Variants in CADPS2 observed in about 807,000 individuals in gnomAD.
CADPS2 encodes calcium dependent secretion activator 2.
CADPS2 carries 93 observed loss-of-function variants against 172.5 expected under a neutral mutation model. The ratio of observed to expected loss-of-function variants is 0.54; its 90% confidence interval spans 0.46 to 0.64. The LOEUF (loss-of-function observed/expected upper bound fraction) is 0.64, where lower values mean the gene tolerates loss of function less well. Ranked by LOEUF, CADPS2 falls within the 30% of genes least tolerant of loss-of-function variation. The probability of loss-of-function intolerance (pLI) is 0.00; values close to 1 mark genes in which losing one functional copy is unlikely to be tolerated. For missense variants in CADPS2, 1,420 were observed against 1,565.9 expected (o/e 0.91, Z 1.57); for synonymous variants, 546 against 555.2 (o/e 0.98, Z 0.23).
intron 6 of CADPS2, among the ~76,000 whole-genome samples, chr7:122,591,349 AT>A (rs1274056273): frequency 6.6e-6 from 1 of 152,134 alleles, no homozygotes; most frequent in East Asian, 1.9e-4. Flanking sequence ...ACACAAACAA[AT>A]GGAAGAACAT....
At chr7:122,349,013 CATT>C (rs899772068) in intron 27 of CADPS2, among the ~76,000 whole-genome samples, 10 of 152,186 alleles carry the variant, frequency 6.6e-5, no homozygotes, top group African/African-American at 1.9e-4. Context: ...TAATTTGAAT[CATT>C]ATTAAGTGTT....
chr7:122,621,501 C>A lies in CADPS2; in HGVS notation c.1084G>T (p.Val362Leu), dbSNP rs1473886615. 1 of 1,612,362 alleles carries A rather than the reference C, an allele frequency of 6.2e-7. No homozygotes were observed. The highest frequency in any genetic ancestry group is 1.3e-5 in the African/African-American group (1 of 74,852). ...CTTACCTCTAAGGTGAATGACAGTA[C>A]CACGTCGGACTTTGACAGCTGAATC... ...NEIQLSKSDV[V>L]LSFTLEIVIM... Residue 362 changes from valine to leucine, a missense_variant, in exon 5 of 30, where the codon GTA becomes TTA. Physicochemically the swap from Val to Leu is conservative, Grantham distance 32. Coordinates refer to ENST00000449022, the MANE Select transcript of CADPS2 (RefSeq NM_017954.11).
At chr7:122,501,575 C>A (rs1350240830) in intron 9 of CADPS2, among the ~76,000 whole-genome samples, 1 of 151,964 alleles carries the variant, frequency 6.6e-6, no homozygotes, top group Non-Finnish European at 1.5e-5. Context: ...CTTGGCCAGG[C>A]ATGGTGGTAC....
intron 2 of CADPS2, among the ~76,000 whole-genome samples, chr7:122,720,608 G>A (rs541540285): frequency 4.0e-5 from 6 of 150,868 alleles, no homozygotes; most frequent in African/African-American, 7.3e-5. Context: ...ACATATATAC[G>A]TATACATACA....
chr7:122,777,757 G>A lies in CADPS2; in HGVS notation c.340-40689C>T, dbSNP rs115537252. On this transcript the variant is annotated intron_variant, in intron 1 of 29. Transcript: ENST00000449022. ...AGAAGAGCATGTTTGTTCCCCTTCC[G>A]CCCTGCTTGTAAGTTTCCTGAGGCC... Among the ~76,000 whole-genome samples, 915 of 152,012 alleles carry A rather than the reference G, an allele frequency of 6.0e-3. 10 individuals carry two copies. The highest frequency in any genetic ancestry group is 0.021 in the African/African-American group (873 of 41,456).
chr7:122,322,784 A>G (rs960984416), intron 29 of CADPS2, among the ~76,000 whole-genome samples: 4 of 152,194 alleles, frequency 2.6e-5, no homozygotes, highest in African/African-American at 9.6e-5. Context: ...CAATTGGTGT[A>G]TAAGTGTCTT....
At chr7:122,697,913 T>C (rs767496648) in intron 2 of CADPS2, 47 of 1,613,802 alleles carry the variant, frequency 2.9e-5, no homozygotes, top group Non-Finnish European at 3.8e-5. Context: ...TCATTATTTG[T>C]CTCCTCTTCA....
intron 1 of CADPS2, among the ~76,000 whole-genome samples, chr7:122,842,359 G>C (rs1810793672): frequency 1.3e-5 from 2 of 152,172 alleles, no homozygotes; most frequent in Non-Finnish European, 2.9e-5. Flanking sequence ...TAAGCTCATT[G>C]TGTGTCCATC....
chr7:122,414,160 T>C (rs2047622152), intron 18 of CADPS2, 84 bp from the exon 19 acceptor site: 1 of 946,088 alleles, frequency 1.1e-6, no homozygotes, highest in Admixed American at 2.8e-5. Context: ...AAGGTCATCA[T>C]AATAGTCCTA....
At chr7:122,508,318 TCTC>T (rs1239411552) in intron 9 of CADPS2, among the ~76,000 whole-genome samples, 2 of 151,814 alleles carry the variant, frequency 1.3e-5, no homozygotes, top group Non-Finnish European at 2.9e-5. Flanking sequence ...ATTGTTTTTT[TCTC>T]CTCCACAACA....
chr7:122,717,522 T>TGGA (rs1335721560), intron 2 of CADPS2, among the ~76,000 whole-genome samples: 1 of 152,164 alleles, frequency 6.6e-6, no homozygotes, highest in African/African-American at 2.4e-5. Flanking sequence ...GAAGTTATGT[T>TGGA]GGAACTGAAA....
chr7:122,421,038 T>C (rs1488555640), intron 17 of CADPS2: 1 of 152,296 alleles, frequency 6.6e-6, no homozygotes, highest in Admixed American at 6.5e-5. Flanking sequence ...CCTCCCTTGC[T>C]GCTATTCCCT....
rs80222787 is a variant in CADPS2, at chr7:122,847,654, T to C, written c.339+38345A>G. On this transcript the variant is annotated intron_variant, in intron 1 of 29. Transcript: ENST00000449022. ...TTCTATGGGAAAGATACTAAGCTTA[T>C]GGCGTGGGAAAACTTAGATTTTCCA... 2.7e-3 allele frequency among the ~76,000 whole-genome samples: 413 copies of C among 152,270 alleles called. 2 individuals are homozygous for C. The highest frequency in any genetic ancestry group is 0.024 in the Middle Eastern group (7 of 294).
intron 20 of CADPS2, among the ~76,000 whole-genome samples, chr7:122,399,827 C>T (rs2045705750): frequency 2.0e-5 from 3 of 150,434 alleles, no homozygotes; most frequent in Admixed American, 2.0e-4. Flanking sequence ...GCTGGGACTA[C>T]AGGCGCCCGC....
At chr7:122,348,666 T>C (rs561710871) in intron 27 of CADPS2, among the ~76,000 whole-genome samples, 2 of 152,314 alleles carry the variant, frequency 1.3e-5, no homozygotes, top group South Asian at 4.1e-4. Flanking sequence ...TTGTGACATA[T>C]GGGAATTTCA....
chr7:122,381,376 A>G (rs1481584585), intron 24 of CADPS2, among the ~76,000 whole-genome samples: 1 of 152,104 alleles, frequency 6.6e-6, no homozygotes, highest in Non-Finnish European at 1.5e-5. Flanking sequence ...CTTACATGGA[A>G]AGTGCTCCAA....
chr7:122,483,392 T>C (rs796123687), intron 11 of CADPS2, among the ~76,000 whole-genome samples: 21 of 152,150 alleles, frequency 1.4e-4, no homozygotes, highest in African/African-American at 4.8e-4. Flanking sequence ...AAAATGAGGG[T>C]AAAATAAATA....
chr7:122,635,224 A>G (rs193162390), intron 3 of CADPS2, among the ~76,000 whole-genome samples: 33 of 152,128 alleles, frequency 2.2e-4, no homozygotes, highest in Admixed American at 2.2e-3. Flanking sequence ...GGATGATCTA[A>G]TGCTGTCAGT....
chr7:122,768,155 A>G (rs934734213), intron 1 of CADPS2, among the ~76,000 whole-genome samples: 2 of 152,172 alleles, frequency 1.3e-5, no homozygotes, highest in Non-Finnish European at 2.9e-5. Context: ...TTACTTAATC[A>G]AGGACTTGAC....
Sources: allele counts gnomAD v4.1 joint callset (sites outside exome capture counted in the v4.1 genomes callset), GRCh38; gene constraint gnomAD v4.1.1; transcripts MANE v1.5; gene names NCBI Gene and HGNC (gene_info 2026-07-23, HGNC 2026-07-21).